DSCAM: variants seen among roughly 807,000 people sequenced by gnomAD.
DSCAM encodes DS cell adhesion molecule, also known as cell adhesion molecule DSCAM.
DSCAM carries 47 observed loss-of-function variants against 217.7 expected under a neutral mutation model. The observed-to-expected ratio is 0.22, with a 90% CI of 0.17 to 0.28. The LOEUF (loss-of-function observed/expected upper bound fraction) is 0.28. Among genes scored for constraint, DSCAM ranks in the 10% least tolerant of loss-of-function variants. The probability of loss-of-function intolerance (pLI) is 1.00; values close to 1 mark genes in which losing one functional copy is unlikely to be tolerated. For synonymous variants in DSCAM, 1,056 were observed against 1,015.3 expected (o/e 1.04, Z -0.76); for missense variants, 2,080 against 2,618.3 (o/e 0.79, Z 4.49).
chr21:40,151,440 A>G (rs191911449), intron 16 of DSCAM, among the ~76,000 whole-genome samples: 31 of 152,252 alleles, frequency 2.0e-4, no homozygotes, highest in African/African-American at 6.3e-4. Flanking sequence ...TGTCATTGCA[A>G]GCTCTAGAAT....
At chr21:40,071,840 G>T (rs1199770799) in intron 27 of DSCAM, among the ~76,000 whole-genome samples, 1 of 152,186 alleles carries the variant, frequency 6.6e-6, no homozygotes, top group Non-Finnish European at 1.5e-5. Flanking sequence ...TAATAGACAG[G>T]CACCTATTCC....
chr21:40,203,223 A>C (rs961758589), intron 11 of DSCAM, among the ~76,000 whole-genome samples: 1 of 152,246 alleles, frequency 6.6e-6, no homozygotes, highest in Admixed American at 6.5e-5. Flanking sequence ...TGTATGTAAA[A>C]TACCATCAAC....
intron 20 of DSCAM, among the ~76,000 whole-genome samples, chr21:40,120,302 A>G (rs975033533): frequency 6.6e-6 from 1 of 152,222 alleles, no homozygotes; most frequent in Non-Finnish European, 1.5e-5. Flanking sequence ...GTTTTCATTA[A>G]TGAGAAGTCT....
intron 20 of DSCAM, among the ~76,000 whole-genome samples, chr21:40,094,832 A>G (rs540005889): frequency 3.4e-4 from 52 of 152,258 alleles, no homozygotes; most frequent in Non-Finnish European, 7.2e-4. Flanking sequence ...AAGAATATTT[A>G]TAGAATTTAT....
chr21:40,304,326 G>A (rs780681740), intron 9 of DSCAM, among the ~76,000 whole-genome samples: 1 of 152,220 alleles, frequency 6.6e-6, no homozygotes, highest in African/African-American at 2.4e-5. Context: ...AGCCTTCATA[G>A]AAGAGAGTTA....
chr21:40,590,384 G>A (rs890014210), intron 3 of DSCAM, among the ~76,000 whole-genome samples: 16 of 152,196 alleles, frequency 1.1e-4, no homozygotes, highest in African/African-American at 3.6e-4. Context: ...CAGGGGTTCT[G>A]CCCCATGCAT....
chr21:40,517,404 A>AAC (rs3070750), intron 3 of DSCAM, among the ~76,000 whole-genome samples: 5,469 of 144,732 alleles, frequency 0.038, 134 homozygotes, highest in Middle Eastern at 0.05. Flanking sequence ...ACACACAAGC[A>AAC]ACACACACAC....
chr21:40,396,713 C>T (rs965637744), intron 3 of DSCAM, among the ~76,000 whole-genome samples: 12 of 152,162 alleles, frequency 7.9e-5, no homozygotes, highest in Non-Finnish European at 1.6e-4. Flanking sequence ...ACCACTCCTA[C>T]CACAACTACT....
intron 4 of DSCAM, among the ~76,000 whole-genome samples, chr21:40,362,294 A>AT (rs1409542682): frequency 5.3e-5 from 8 of 152,060 alleles, no homozygotes; most frequent in African/African-American, 1.7e-4. Flanking sequence ...AATAATAATA[A>AT]AAAAAAAGAA....
At chr21:40,621,580 C>T (rs965953135) in intron 3 of DSCAM, among the ~76,000 whole-genome samples, 2 of 148,398 alleles carry the variant, frequency 1.3e-5, no homozygotes, top group Admixed American at 1.4e-4. Context: ...TGCTTGGGGA[C>T]CAGATGGGAT....
At chr21:40,487,837 A>G (rs1458733402) in intron 3 of DSCAM, among the ~76,000 whole-genome samples, 1 of 152,118 alleles carries the variant, frequency 6.6e-6, no homozygotes, top group African/African-American at 2.4e-5. Context: ...TCTGCTATTC[A>G]CTGAGATAAG....
intron 3 of DSCAM, among the ~76,000 whole-genome samples, chr21:40,637,093 G>A (rs1420192415): frequency 1.7e-5 from 2 of 115,418 alleles, no homozygotes; most frequent in African/African-American, 6.7e-5. Flanking sequence ...AAAATAGAAG[G>A]AGGCCCTTCT....
At chr21:40,641,488 G>A (rs558053353) in intron 3 of DSCAM, among the ~76,000 whole-genome samples, 5 of 152,188 alleles carry the variant, frequency 3.3e-5, no homozygotes, top group South Asian at 4.1e-4. Flanking sequence ...TCAAGCAGAC[G>A]GTTATTTGAG....
chr21:40,487,306 T>TGC (rs1233752601), intron 3 of DSCAM, among the ~76,000 whole-genome samples: 4 of 97,562 alleles, frequency 4.1e-5, no homozygotes, highest in African/African-American at 6.3e-5. Flanking sequence ...TGTGCGTGCG[T>TGC]GTGTGTGTGT....
chr21:40,186,987 T>C (rs977220809), intron 14 of DSCAM, 144 bp downstream of exon 14: 4 of 1,006,634 alleles, frequency 4.0e-6, no homozygotes, highest in Admixed American at 2.9e-5. Flanking sequence ...CAGGATGTGC[T>C]TCCAGCAAGG....
intron 3 of DSCAM, among the ~76,000 whole-genome samples, chr21:40,689,859 A>G (rs956216570): frequency 6.6e-6 from 1 of 152,190 alleles, no homozygotes; most frequent in Non-Finnish European, 1.5e-5. Context: ...GCTTCCCTGA[A>G]GGTCAGGGCT....
At chr21:40,702,813 G>A (rs570870777) in intron 2 of DSCAM, among the ~76,000 whole-genome samples, 67 of 151,930 alleles carry the variant, frequency 4.4e-4, no homozygotes, top group African/African-American at 1.5e-3. Flanking sequence ...TTTAGGTTTT[G>A]TAGTATACAT....
intron 24 of DSCAM, among the ~76,000 whole-genome samples, chr21:40,080,652 C>T (rs1601310395): frequency 6.6e-6 from 1 of 152,278 alleles, no homozygotes; most frequent in Admixed American, 6.5e-5. Flanking sequence ...ATATCTGTCC[C>T]TCAGATCATA....
At chr21:40,412,446 G>A (rs2075331830) in intron 3 of DSCAM, among the ~76,000 whole-genome samples, 1 of 152,198 alleles carries the variant, frequency 6.6e-6, no homozygotes, top group Non-Finnish European at 1.5e-5. Context: ...CCAGGCTGAG[G>A]TGGTCTCAGA....
Sources: gnomAD v4.1 joint callset for allele counts (sites outside exome capture counted in the v4.1 genomes callset) on GRCh38, gnomAD v4.1.1 for gene constraint, MANE v1.5 for transcripts, NCBI Gene and HGNC (gene_info 2026-07-23, HGNC 2026-07-21) for gene names.